The following CDH6 variants were observed in gnomAD, a reference collection of about 807,000 sequenced individuals.
CDH6 encodes the protein cadherin 6, also known as cadherin-6.
In CDH6, 31 loss-of-function variants were observed where a neutral mutation model predicts 78.0. The observed-to-expected ratio is 0.40, with a 90% confidence interval of 0.30 to 0.54. The LOEUF is 0.54. Ranked by LOEUF, CDH6 falls within the 20% of genes least tolerant of loss-of-function variation. The pLI is 0.56. For missense variants in CDH6, 724 were observed against 975.9 expected (o/e 0.74, Z 3.44); for synonymous variants, 376 against 368.8 (o/e 1.02, Z -0.23).
chr5:31,274,227 A>C (rs1742622409), intron 2 of CDH6, among the ~76,000 whole-genome samples: 1 of 152,238 alleles, frequency 6.6e-6, no homozygotes, highest in East Asian at 1.9e-4. Context: ...AAACCAACTG[A>C]TTTCACTTTC....
At chr5:31,282,882 A>T (rs1742899191) in intron 2 of CDH6, among the ~76,000 whole-genome samples, 1 of 152,122 alleles carries the variant, frequency 6.6e-6, no homozygotes, top group South Asian at 2.1e-4. Context: ...AACAAAAAAC[A>T]AAAAATTGAA....
At chr5:31,290,318 C>A (rs1189907883) in intron 2 of CDH6, among the ~76,000 whole-genome samples, 1 of 152,102 alleles carries the variant, frequency 6.6e-6, no homozygotes, top group East Asian at 1.9e-4. Flanking sequence ...CCAAGAGCTC[C>A]CTCTGGCACG....
chr5:31,199,012 T>G (rs1376944846), intron 1 of CDH6, among the ~76,000 whole-genome samples: 5 of 152,034 alleles, frequency 3.3e-5, no homozygotes, highest in Non-Finnish European at 5.9e-5. Context: ...TATCAACTCT[T>G]TTCCTTCTAT....
chr5:31,218,664 C>T (rs929747336), intron 1 of CDH6, among the ~76,000 whole-genome samples: 1 of 152,148 alleles, frequency 6.6e-6, no homozygotes. Flanking sequence ...CCTCTCTCCA[C>T]TTGCAGAACC....
intron 1 of CDH6, among the ~76,000 whole-genome samples, chr5:31,195,535 C>G (rs1272732471): frequency 6.6e-6 from 1 of 152,166 alleles, no homozygotes; most frequent in Non-Finnish European, 1.5e-5. Flanking sequence ...TGAGCATCAT[C>G]CCGTGTGTAA....
intron 1 of CDH6, among the ~76,000 whole-genome samples, chr5:31,264,322 C>A (rs984921552): frequency 6.6e-6 from 1 of 152,118 alleles, no homozygotes; most frequent in Admixed American, 6.6e-5. Flanking sequence ...GATTAGAATA[C>A]CTAATACTTA....
intron 11 of CDH6, chr5:31,318,904 G>C (rs538725743): frequency 8.9e-6 from 2 of 224,838 alleles, no homozygotes; most frequent in Non-Finnish European, 1.8e-5. Flanking sequence ...GCTCCTTCAC[G>C]CTCCACATCA....
intron 1 of CDH6, among the ~76,000 whole-genome samples, chr5:31,234,594 T>C (rs1279027518): frequency 6.6e-6 from 1 of 152,194 alleles, no homozygotes; most frequent in African/African-American, 2.4e-5. Context: ...TCACTGTAAA[T>C]CATAGAATGT....
In CDH6 at chr5:31,317,839, C is replaced by T; in HGVS notation, c.1797C>T (p.Ser599=). 6.2e-7 allele frequency: 1 copy of T among 1,614,126 alleles called. No individual in the cohort carries two copies. Among genetic ancestry groups the T allele is most frequent in the Non-Finnish European group, 8.5e-7 (1 of 1,179,998 alleles). ...GTGACCACCACGGGAACATGCAATC[C>T]TGCCATGCGGAGGCGCTCATCCACC... ...CACDHHGNMQ[S]CHAEALIHPT... is the part of the protein sequence containing the mutation. Residue 599 remains serine (S), a synonymous_variant, in exon 11 of 12, where the codon TCC becomes TCT. Transcript: ENST00000265071.
chr5:31,310,077 A>G (rs1738104557), intron 7 of CDH6, among the ~76,000 whole-genome samples: 1 of 152,218 alleles, frequency 6.6e-6, no homozygotes, highest in Non-Finnish European at 1.5e-5. Context: ...CATTAACTCA[A>G]AAGTCCAAGT....
At chr5:31,310,946 G>A (rs776602491) in intron 7 of CDH6, among the ~76,000 whole-genome samples, 5 of 152,210 alleles carry the variant, frequency 3.3e-5, no homozygotes, top group Non-Finnish European at 5.9e-5. Flanking sequence ...CTGCCATCAA[G>A]GTCCCCGAAA....
In CDH6 at chr5:31,242,703, G is replaced by C. The variant is rs536691850; in HGVS notation, c.-128-24643G>C. On this transcript the variant is annotated intron_variant, in intron 1 of 11. Coordinates refer to ENST00000265071, the MANE Select transcript of CDH6 (RefSeq NM_004932.4). ...TGGTCTTCTCTACAGAATAAGAATG[G>C]GGGGGGGCGGTTAGAAGAAAATATA... 1.3e-4 allele frequency among the ~76,000 whole-genome samples: 19 copies of C among 142,128 alleles called. No individual in the cohort carries two copies. In the South Asian group the frequency reaches 2.9e-3, roughly 22 times the overall value. 93.2% of individuals were successfully genotyped at this position (142,128 alleles called of 152,430 possible).
intron 1 of CDH6, among the ~76,000 whole-genome samples, chr5:31,221,595 A>G (rs994656615): frequency 6.6e-6 from 1 of 152,176 alleles, no homozygotes; most frequent in African/African-American, 2.4e-5. Flanking sequence ...TGACTCGTGG[A>G]AGAAATTGGA....
At chr5:31,245,944 G>A (rs889965623) in intron 1 of CDH6, among the ~76,000 whole-genome samples, 13 of 117,382 alleles carry the variant, frequency 1.1e-4, no homozygotes, top group South Asian at 2.6e-4. Context: ...AGTTTTGCTC[G>A]TCACCCAGGC....
chr5:31,299,576 C>T lies in CDH6; in HGVS notation c.756C>T (p.Thr252=). 6.2e-7 allele frequency: 1 copy of T among 1,613,914 alleles called. No individual in the cohort carries two copies. Among genetic ancestry groups the T allele is most frequent in the South Asian group, 1.1e-5 (1 of 91,024 alleles). The change falls in exon 5 of 12, where the codon ACC becomes ACT. Residue 252 remains threonine, a synonymous_variant. Coordinates refer to ENST00000265071, the MANE Select transcript of CDH6 (RefSeq NM_004932.4). ...AGATGGGAGGATTATCTGGGACCAC[C>T]ACCGTGAACATCACACTGACTGATG... The part of the protein sequence containing the change: ...GGQMGGLSGT[T]TVNITLTDVN...
At chr5:31,215,816 T>C (rs1015640300) in intron 1 of CDH6, among the ~76,000 whole-genome samples, 1 of 152,158 alleles carries the variant, frequency 6.6e-6, no homozygotes, top group East Asian at 1.9e-4. Flanking sequence ...TTGACTCACA[T>C]GTAAGGAAAC....
intron 8 of CDH6, among the ~76,000 whole-genome samples, chr5:31,314,396 T>C (rs1371444347): frequency 2.0e-5 from 3 of 149,472 alleles, no homozygotes; most frequent in African/African-American, 7.4e-5. Context: ...TTGTGTTTAA[T>C]TTTAAAAGTT....
rs1044287517 is a variant in CDH6, at chr5:31,328,746, G to A, written c.*5438G>A. The A allele has an allele frequency of 1.9e-5, 4 of 215,900 alleles. No homozygotes were observed. Among genetic ancestry groups the A allele is most frequent in the East Asian group, 6.9e-5 (1 of 14,544 alleles). The allele number at this position is 215,900 out of a possible 1,614,324, so 13.4% of individuals were successfully genotyped here. On this transcript the variant is annotated 3_prime_UTR_variant, in exon 12 of 12. Transcript: ENST00000265071. ...ATGCCACCCTTGAAGATTTACTGGC[G>A]GGAATGCTCACTCTTGTCGTTTTCC...
chr5:31,302,539 C>A, intron 6 of CDH6: 1 of 339,256 alleles, frequency 2.9e-6, no homozygotes, highest in Non-Finnish European at 5.5e-6. Flanking sequence ...CATGGCAAAA[C>A]CTATCTCTGT....
Sources: gnomAD v4.1 joint callset for allele counts (sites outside exome capture counted in the v4.1 genomes callset) on GRCh38, gnomAD v4.1.1 for gene constraint, MANE v1.5 for transcripts, NCBI Gene and HGNC (gene_info 2026-07-23, HGNC 2026-07-21) for gene names.